PJA2: variants seen among roughly 807,000 people sequenced by gnomAD.
The protein encoded by PJA2 is E3 ubiquitin-protein ligase Praja-2.
In PJA2, 25 loss-of-function variants were observed where a neutral mutation model predicts 69.3. The observed-to-expected ratio is 0.36, with a 90% CI of 0.26 to 0.50. The LOEUF is 0.50. Ranked by LOEUF, PJA2 falls within the 20% of genes least tolerant of loss-of-function variation. The pLI, the probability that PJA2 is intolerant of heterozygous loss-of-function variation, is 0.96. For synonymous variants in PJA2, 308 were observed against 277.8 expected, an observed-to-expected ratio of 1.11 and a Z score of -1.08; for missense variants, 809 against 830.2, an observed-to-expected ratio of 0.97 and a Z score of 0.31.
intron 1 of PJA2, among the ~76,000 whole-genome samples, chr5:109,385,975 A>G (rs1255830268): frequency 1.3e-5 from 2 of 152,104 alleles, no homozygotes; most frequent in African/African-American, 4.8e-5. Flanking sequence ...TTAAGTACTG[A>G]TGTGTGGAAT....
At position 109,353,754 on chromosome 5, in the gene PJA2, TATG is replaced by T. The variant is rs533964787; in HGVS notation, c.1764+2158_1764+2160del. ...TATCTAGATATCTAGATTAGATATCTATGATATCTAGAGATATCTATAGATTAG... is the reference window on the plus strand; with the variant it reads ...TATCTAGATATCTAGATTAGATATCTATATCTAGAGATATCTATAGATTAG... On this transcript the variant is annotated intron_variant, in intron 7 of 9. Coordinates refer to ENST00000361189, the MANE Select transcript of PJA2 (RefSeq NM_014819.5). 3.4e-3 allele frequency among the ~76,000 whole-genome samples: 398 copies of T among 116,728 alleles called. 4 individuals carry two copies. Among genetic ancestry groups the T allele is most frequent in the Middle Eastern group, 0.016 (1 of 64 alleles). 76.6% of individuals were successfully genotyped at this position (116,728 alleles called of 152,430 possible).
intron 6 of PJA2, among the ~76,000 whole-genome samples, chr5:109,360,361 A>G (rs763230886): frequency 2.6e-5 from 4 of 152,230 alleles, no homozygotes; most frequent in African/African-American, 4.8e-5. Flanking sequence ...TGCAACTTCA[A>G]TGAAAACAAG....
intron 6 of PJA2, among the ~76,000 whole-genome samples, chr5:109,361,408 G>C (rs1363036023): frequency 6.6e-6 from 1 of 152,118 alleles, no homozygotes; most frequent in Non-Finnish European, 1.5e-5. Context: ...CTTCACAATG[G>C]AGCTGTAAAA....
chr5:109,377,852 T>A (rs1448804507), intron 4 of PJA2, among the ~76,000 whole-genome samples: 1 of 152,212 alleles, frequency 6.6e-6, no homozygotes, highest in Non-Finnish European at 1.5e-5. Context: ...GTGATATTAA[T>A]CACTTTTTAA....
At chr5:109,364,622 CAAA>C (rs200663624) in intron 5 of PJA2, among the ~76,000 whole-genome samples, 8 of 61,846 alleles carry the variant, frequency 1.3e-4, no homozygotes, top group South Asian at 5.7e-4. Flanking sequence ...GACTCTGTCT[CAAA>C]AAAAAAAAAA....
chr5:109,368,751 A>G lies in PJA2; in HGVS notation c.1284-5T>C. ...TCCCCATCACTGCATTCAGAACTGC[A>G]AATCAGAAGAGAAATAAACTATCAT... On this transcript the variant is annotated splice_polypyrimidine_tract_variant and splice_region_variant and intron_variant, in intron 4 of 9. Transcript: ENST00000361189. 2 of 1,608,306 alleles carry G rather than the reference A, an allele frequency of 1.2e-6. No homozygotes were observed. The highest frequency in any genetic ancestry group is 1.7e-6 in the Non-Finnish European group (2 of 1,177,904).
At chr5:109,358,120 T>C (rs570651638) in intron 6 of PJA2, among the ~76,000 whole-genome samples, 1 of 152,178 alleles carries the variant, frequency 6.6e-6, no homozygotes, top group Non-Finnish European at 1.5e-5. Context: ...TGCAGCACTA[T>C]GACATGTTCA....
At chr5:109,374,770 ATAAG>A (rs1464422504) in intron 4 of PJA2, among the ~76,000 whole-genome samples, 3 of 152,226 alleles carry the variant, frequency 2.0e-5, no homozygotes, top group African/African-American at 7.2e-5. Flanking sequence ...CTCAAATGCT[ATAAG>A]TAAGGAACAG....
intron 1 of PJA2, among the ~76,000 whole-genome samples, chr5:109,402,927 T>C (rs1747585144): frequency 6.6e-6 from 1 of 151,964 alleles, no homozygotes; most frequent in South Asian, 2.1e-4. Flanking sequence ...CAGGCAGTGC[T>C]TGGAAGGAAA....
At chr5:109,400,486 AG>A (rs1267642818) in intron 1 of PJA2, among the ~76,000 whole-genome samples, 576 of 12,800 alleles carry the variant, frequency 0.045, 5 homozygotes, top group African/African-American at 0.19. Context: ...CAGCAGGGGG[AG>A]GGGGGGGAAG....
chr5:109,363,170 C>A, intron 5 of PJA2, 148 bp from the exon 6 acceptor site: 2 of 602,914 alleles, frequency 3.3e-6, no homozygotes, highest in Non-Finnish European at 5.2e-6. Context: ...TCCTTAACTG[C>A]AGAATTATGT....
chr5:109,337,463 C>A (rs191994117), intron 9 of PJA2, 107 bp from the exon 10 acceptor site: 6 of 1,242,874 alleles, frequency 4.8e-6, no homozygotes, highest in Non-Finnish European at 6.5e-6. Context: ...AGACTCTTAA[C>A]AACAAAAAAC....
chr5:109,381,456 T>C (rs2288531), intron 3 of PJA2, 47 bp downstream of exon 3: 908,786 of 1,515,134 alleles, frequency 0.6, 286,733 homozygotes, highest in Middle Eastern at 0.65. Flanking sequence ...ATAAGATCAA[T>C]TCCTATATAA....
intron 9 of PJA2, among the ~76,000 whole-genome samples, chr5:109,341,249 G>T (rs1022986806): frequency 6.8e-6 from 1 of 147,968 alleles, no homozygotes; most frequent in Non-Finnish European, 1.5e-5. Flanking sequence ...ATCTCTGCCC[G>T]GCCGCCCATC....
intron 4 of PJA2, among the ~76,000 whole-genome samples, chr5:109,377,969 A>G (rs548238990): frequency 1.4e-4 from 21 of 152,234 alleles, no homozygotes; most frequent in African/African-American, 4.8e-4. Context: ...TTATAATAAT[A>G]ATCATTATCT....
intron 8 of PJA2, 122 bp downstream of exon 8, chr5:109,344,583 T>A: frequency 1.4e-6 from 1 of 733,224 alleles, no homozygotes; most frequent in East Asian, 2.8e-5. Flanking sequence ...GAGCATCTGG[T>A]TTCTATAAAA....
intron 1 of PJA2, among the ~76,000 whole-genome samples, chr5:109,397,496 GAA>G (rs1056444072): frequency 2.8e-5 from 4 of 143,892 alleles, no homozygotes; most frequent in Admixed American, 6.9e-5. Context: ...TCTCCTAGTA[GAA>G]AAAAAAAAAG....
chr5:109,353,604 CAT>C lies in PJA2; in HGVS notation c.1764+2309_1764+2310del, dbSNP rs1269754343. ...TCTATATATTAGATATCTATAATAT[CAT>C]AGACATCTATATATTAGATACCTAT... On this transcript the variant is annotated intron_variant, in intron 7 of 9. Coordinates refer to ENST00000361189, the MANE Select transcript of PJA2 (RefSeq NM_014819.5). Among the ~76,000 whole-genome samples the C allele has an allele frequency of 2.4e-3, 331 of 137,962 alleles. 1 individual carries two copies. Among genetic ancestry groups the C allele is most frequent in the African/African-American group, 6.3e-3 (245 of 39,122 alleles). The allele number at this position is 137,962 out of a possible 152,430, so 90.5% of individuals were successfully genotyped here.
At position 109,380,083 on chromosome 5, in the gene PJA2, GTTCTTTTTTTTTT is replaced by G. The variant is rs1236963108; in HGVS notation, c.233-842_233-830del. 2.4e-3 allele frequency among the ~76,000 whole-genome samples: 343 copies of G among 140,052 alleles called. 1 individual carries two copies. The highest frequency in any genetic ancestry group is 8.6e-3 in the African/African-American group (326 of 37,762). 91.9% of individuals were successfully genotyped at this position (140,052 alleles called of 152,430 possible). ...GGTTCTTTGATATATGGTACGAAGG[GTTCTTTTTTTTTT>G]TTTTTTTTTTTTTTTGAGACGGAGT... On this transcript the variant is annotated intron_variant, in intron 3 of 9. Transcript: ENST00000361189.
Sources: gnomAD v4.1 joint callset for allele counts (sites outside exome capture counted in the v4.1 genomes callset) on GRCh38, gnomAD v4.1.1 for gene constraint, MANE v1.5 for transcripts, NCBI Gene and HGNC (gene_info 2026-07-23, HGNC 2026-07-21) for gene names.